FER1L5: variants seen among roughly 807,000 people sequenced by gnomAD.
The protein encoded by FER1L5 is fer-1 like family member 5, also known as fer-1-like protein 5.
In FER1L5, 187 loss-of-function variants were observed where a neutral mutation model predicts 279.9. That is an observed-to-expected ratio of 0.67 (90% CI 0.59 to 0.75). FER1L5 has a LOEUF of 0.75. Among genes scored for constraint, FER1L5 ranks in the 30% least tolerant of loss-of-function variants. FER1L5 has a pLI of 0.00. For synonymous variants in FER1L5, 921 were observed against 989.7 expected (o/e 0.93, Z 1.30); for missense variants, 2,091 against 2,594.4 (o/e 0.81, Z 4.21).
At chr2:96,688,987 A>G (rs2077039179) in intron 24 of FER1L5, 3 of 526,178 alleles carry the variant, frequency 5.7e-6, no homozygotes, top group Non-Finnish European at 1.0e-5. Flanking sequence ...ATCTCTGTCC[A>G]CACATGCAGC....
chr2:96,660,268 G>A, intron 9 of FER1L5, 73 bp from the exon 10 acceptor site: 2 of 1,497,234 alleles, frequency 1.3e-6, no homozygotes, highest in Non-Finnish European at 1.8e-6. Flanking sequence ...CTAGCAGTTG[G>A]GTCAGGTTAG....
intron 9 of FER1L5, among the ~76,000 whole-genome samples, chr2:96,659,400 T>TCCTTCCTTCCTTCCTTCCTTC (rs2075807000): frequency 1.6e-4 from 1 of 6,324 alleles, no homozygotes; most frequent in Non-Finnish European, 2.4e-4. Flanking sequence ...TTTCTTTCTT[T>TCCTTCCTTCCTTCCTTCCTTC]CTTTCTTTCT....
intron 8 of FER1L5, 47 bp from the exon 9 acceptor site, chr2:96,654,399 A>C (rs754794810): frequency 2.5e-6 from 1 of 398,650 alleles, no homozygotes; most frequent in Non-Finnish European, 4.4e-6. Context: ...GGCTGAGGGA[A>C]ATTGGGATTG....
At chr2:96,673,481 C>T (rs1305130656) in intron 19 of FER1L5, among the ~76,000 whole-genome samples, 4 of 152,084 alleles carry the variant, frequency 2.6e-5, no homozygotes, top group Admixed American at 2.6e-4. Context: ...TCCTTCTCTA[C>T]ACTGCTTTCC....
intron 19 of FER1L5, among the ~76,000 whole-genome samples, chr2:96,676,294 C>T (rs1172381358): frequency 6.6e-6 from 1 of 152,192 alleles, no homozygotes; most frequent in Admixed American, 6.5e-5. Context: ...GCCTCAGCCT[C>T]CCAAGTAGCT....
chr2:96,651,244 T>C (rs933168562), intron 6 of FER1L5, among the ~76,000 whole-genome samples: 1 of 62,524 alleles, frequency 1.6e-5, no homozygotes, highest in Non-Finnish European at 3.7e-5. Flanking sequence ...TTTCTCTTTC[T>C]TTCTTTCTTT....
Position 96,694,015 on chromosome 2 carries a change from G to T in FER1L5, c.3579G>T (p.Glu1193Asp). ...PPMRWHPLVK[E>D]LGKEEGEILA... ...TGAGGTGGCATCCCCTTGTAAAGGA[G>T]TTGGGGAAGGAAGAGGGCGAGATCT... is the stretch of plus-strand genomic sequence containing the variant. Residue 1193 changes from glutamate (E) to aspartate (D), a missense_variant, in exon 33 of 53, where the codon GAG (glutamate) becomes GAT (aspartate). Glu to Asp is a conservative substitution (Grantham distance 45). Coordinates refer to ENST00000624922, the MANE Select transcript of FER1L5 (RefSeq NM_001293083.2). This position sits in a 1 kb window ranked among gnomAD's most constrained non-coding sequence, Gnocchi z 4.6. 6.4e-7 allele frequency: 1 copy of T among 1,550,654 alleles called. No homozygotes were observed. Among genetic ancestry groups the T allele is most frequent in the Non-Finnish European group, 8.7e-7 (1 of 1,146,982 alleles).
chr2:96,662,104 G>A, intron 12 of FER1L5, 111 bp from the exon 13 acceptor site: 1 of 1,107,502 alleles, frequency 9.0e-7, no homozygotes, highest in Middle Eastern at 2.5e-4. Flanking sequence ...TCTGCCCAGG[G>A]GGCACCCCTC....
chr2:96,687,939 G>T lies in FER1L5; in HGVS notation c.2353G>T (p.Ala785Ser). Reference protein sequence around the residue: ...LLRQGDTAVYAEMYENQAKYK... With the variant: ...LLRQGDTAVYSEMYENQAKYK... ...CCGCCAGGGTGACACAGCGGTGTAC[G>T]CCGAGATGGTGAGTGGTGAGCGGCA... Residue 785 changes from alanine to serine, a missense_variant, in exon 24 of 53, where the codon GCC (alanine) becomes TCC (serine). By Grantham distance (99) the Ala-to-Ser change is moderately conservative (BLOSUM62 1). Coordinates refer to ENST00000624922, the MANE Select transcript of FER1L5 (RefSeq NM_001293083.2). 6.4e-7 allele frequency: 1 copy of T among 1,551,026 alleles called. No homozygotes were observed. The highest frequency in any genetic ancestry group is 1.2e-5 in the South Asian group (1 of 84,058).
intron 8 of FER1L5, chr2:96,653,944 C>T: frequency 1.9e-6 from 1 of 516,406 alleles, no homozygotes; most frequent in Non-Finnish European, 3.4e-6. Context: ...ACAAGGCAGC[C>T]CCTTCCCATG....
intron 19 of FER1L5, among the ~76,000 whole-genome samples, chr2:96,674,833 T>A (rs1050652565): frequency 6.6e-6 from 1 of 151,770 alleles, no homozygotes; most frequent in Non-Finnish European, 1.5e-5. Context: ...AAAAAAATAA[T>A]AAAATGAGTA....
rs1297738386 is a variant in FER1L5 at position 96,684,350 on chromosome 2, T to C, written c.1693T>C (p.Trp565Arg). 13 of 1,551,524 alleles carry C rather than the reference T, an allele frequency of 8.4e-6. No individual in the cohort carries two copies. The highest frequency in any genetic ancestry group is 1.7e-4 in the Middle Eastern group (1 of 6,014). Residue 565 changes from tryptophan to arginine, a missense_variant, in exon 20 of 53, where the codon TGG becomes CGG. Coordinates refer to ENST00000624922, the MANE Select transcript of FER1L5 (RefSeq NM_001293083.2). ...AGGGAACATCTACCATTATGTGCCC[T>C]GGTACAACACCAAGCCTGTCGTGGC... ...YDGNIYHYVP[W>R]YNTKPVVAVT...
At chr2:96,681,338 C>A (rs1044153331) in intron 19 of FER1L5, among the ~76,000 whole-genome samples, 1 of 151,928 alleles carries the variant, frequency 6.6e-6, no homozygotes, top group Non-Finnish European at 1.5e-5. Context: ...CAGAGTGAGA[C>A]CGTGTCTCAA....
Position 96,697,759 on chromosome 2 carries a change from A to G in FER1L5, c.4234A>G (p.Lys1412Glu). ...CAAGTACAAAGACTACCACACCCTC[A>G]AGGTTTGAAGGAGGGAAGAAATGGG... ...KYKYKDYHTL[K>E]VYECELEAVP... The change falls in exon 39 of 53, where the codon AAG becomes GAG. Residue 1412 changes from lysine (K) to glutamate (E), a missense_variant and splice_region_variant. Coordinates refer to ENST00000624922, the MANE Select transcript of FER1L5 (RefSeq NM_001293083.2). 1.2e-6 allele frequency: 2 copies of G among 1,611,886 alleles called. No individual in the cohort carries two copies. Among genetic ancestry groups the G allele is most frequent in the Non-Finnish European group, 1.7e-6 (2 of 1,178,038 alleles).
At chr2:96,668,852 G>A (rs2076221238) in intron 15 of FER1L5, 34 bp from the exon 16 acceptor site, 7 of 1,551,162 alleles carry the variant, frequency 4.5e-6, no homozygotes, top group Non-Finnish European at 5.2e-6. Context: ...GAGCTGGGCC[G>A]GGGGCTCAGC....
chr2:96,674,649 TA>T (rs1025397344), intron 19 of FER1L5, among the ~76,000 whole-genome samples: 8 of 151,842 alleles, frequency 5.3e-5, no homozygotes, highest in South Asian at 2.1e-4. Flanking sequence ...ATGAAATATT[TA>T]AAAAAAAGCA....
At chr2:96,669,215 C>T (rs1471004371) in intron 17 of FER1L5, 78 bp downstream of exon 17, 5 of 1,359,954 alleles carry the variant, frequency 3.7e-6, no homozygotes, top group Non-Finnish European at 3.0e-6. Context: ...TGGGACGTGC[C>T]CCGAGGCCCC....
chr2:96,702,283 G>A lies in FER1L5; in HGVS notation c.5160-23G>A, dbSNP rs2077611982. 6.2e-7 allele frequency: 1 copy of A among 1,604,086 alleles called. No homozygotes were observed. Among genetic ancestry groups the A allele is most frequent in the Non-Finnish European group, 8.5e-7 (1 of 1,175,696 alleles). On this transcript the variant is annotated intron_variant, in intron 46 of 52. Transcript: ENST00000624922. The surrounding 1 kb of genome is among the most constrained non-coding windows in gnomAD (Gnocchi z 4.0). Reference sequence around the variant, plus strand: ...AGCTGGGGAGCTCCTCCTCAGCAAAGCCTCAGAGCACAGTGGCCACAGGTA... The same window carrying A: ...AGCTGGGGAGCTCCTCCTCAGCAAAACCTCAGAGCACAGTGGCCACAGGTA...
In FER1L5 at chr2:96,646,477, A is replaced by G. The variant is rs1397063865; in HGVS notation, c.138+24A>G. 3.9e-6 allele frequency: 6 copies of G among 1,551,342 alleles called. No individual in the cohort carries two copies. The African/African-American group carries it at 5.5e-5, about 14-fold the overall frequency. The stretch of plus-strand genomic sequence containing the variant: ...AGGTAGACAACAGGGCAAGCCCAGA[A>G]GAGGAAATAACAACCCCAACAGCAA... On this transcript the variant is annotated intron_variant, in intron 2 of 52. Coordinates refer to ENST00000624922, the MANE Select transcript of FER1L5 (RefSeq NM_001293083.2).
Sources: allele counts gnomAD v4.1 joint callset (sites outside exome capture counted in the v4.1 genomes callset), GRCh38; gene constraint gnomAD v4.1.1; non-coding constraint Gnocchi (gnomAD v3.1); transcripts MANE v1.5; gene names NCBI Gene and HGNC (gene_info 2026-07-23, HGNC 2026-07-21).